The following CEP112 variants were observed in gnomAD, a reference collection of about 807,000 sequenced individuals.
CEP112 encodes the protein centrosomal protein of 112 kDa.
CEP112 carries 127 observed loss-of-function variants against 153.0 expected under a neutral mutation model. The ratio of observed to expected loss-of-function variants is 0.83; its 90% CI spans 0.72 to 0.96. CEP112 has a LOEUF of 0.96. Among genes scored for constraint, CEP112 ranks in the 40% least tolerant of loss-of-function variants. The pLI, the probability that CEP112 is intolerant of heterozygous loss-of-function variation, is 0.00. For missense variants in CEP112, 1,089 were observed against 1,101.2 expected (o/e 0.99, Z 0.16); for synonymous variants, 358 against 374.4 (o/e 0.96, Z 0.51).
intron 4 of CEP112, among the ~76,000 whole-genome samples, chr17:66,159,952 G>C (rs1471207663): frequency 6.6e-6 from 1 of 151,980 alleles, no homozygotes; most frequent in Non-Finnish European, 1.5e-5. Flanking sequence ...CCATTGTCTC[G>C]GCGCAAAAAC....
intron 23 of CEP112, among the ~76,000 whole-genome samples, chr17:65,733,027 C>T (rs1054956893): frequency 1.1e-4 from 16 of 152,216 alleles, no homozygotes; most frequent in African/African-American, 2.9e-4. Flanking sequence ...GGGCCTGTCT[C>T]GGCTTTCAAC....
At chr17:65,716,800 GA>G (rs146691977) in intron 23 of CEP112, among the ~76,000 whole-genome samples, 2 of 151,600 alleles carry the variant, frequency 1.3e-5, no homozygotes, top group African/African-American at 4.8e-5. Context: ...AGACTATGAG[GA>G]AAAAAAACAA....
At chr17:66,075,659 C>A (rs1006220369) in intron 8 of CEP112, among the ~76,000 whole-genome samples, 4 of 152,074 alleles carry the variant, frequency 2.6e-5, no homozygotes, top group Admixed American at 6.6e-5. Context: ...AAAAAATTAG[C>A]AATGGGATCT....
intron 4 of CEP112, among the ~76,000 whole-genome samples, chr17:66,151,463 G>A (rs995760908): frequency 6.6e-6 from 1 of 152,170 alleles, no homozygotes; most frequent in African/African-American, 2.4e-5. Context: ...CATGTGGTAT[G>A]TCCTTTCCCT....
chr17:65,751,502 C>A (rs987275180), intron 21 of CEP112, among the ~76,000 whole-genome samples: 1 of 152,166 alleles, frequency 6.6e-6, no homozygotes, highest in African/African-American at 2.4e-5. Flanking sequence ...CTCTTTCACT[C>A]TGAACTTGTG....
intron 21 of CEP112, among the ~76,000 whole-genome samples, chr17:65,829,781 C>T (rs758876129): frequency 8.6e-5 from 13 of 151,958 alleles, no homozygotes; most frequent in Admixed American, 3.3e-4. Flanking sequence ...AAAGGTACAT[C>T]GTTTACATAA....
intron 24 of CEP112, among the ~76,000 whole-genome samples, chr17:65,682,568 C>T (rs537915391): frequency 6.6e-6 from 1 of 152,290 alleles, no homozygotes; most frequent in Admixed American, 6.5e-5. Context: ...CTCAGCATTC[C>T]ATCCAGAATT....
chr17:66,188,676 A>G (rs2073045719), intron 1 of CEP112, among the ~76,000 whole-genome samples: 1 of 151,740 alleles, frequency 6.6e-6, no homozygotes, highest in South Asian at 2.1e-4. Context: ...CATGATTTAC[A>G]CATCTTAGTA....
chr17:65,739,263 C>T (rs1217751370), intron 23 of CEP112, among the ~76,000 whole-genome samples: 2 of 152,188 alleles, frequency 1.3e-5, no homozygotes, highest in Non-Finnish European at 2.9e-5. Context: ...AATTTCTGAT[C>T]CAAAGAATTA....
intron 14 of CEP112, among the ~76,000 whole-genome samples, chr17:66,028,668 A>G (rs12949911): frequency 0.016 from 2,446 of 152,078 alleles, 26 homozygotes; most frequent in Middle Eastern, 0.026. Flanking sequence ...AAGTAAAAAT[A>G]GAAATTAAAT....
chr17:66,057,407 T>C (rs926203779), intron 11 of CEP112, among the ~76,000 whole-genome samples: 3 of 152,202 alleles, frequency 2.0e-5, no homozygotes, highest in Non-Finnish European at 4.4e-5. Flanking sequence ...GGGATAGGCA[T>C]CTCCATGGGA....
chr17:65,638,519 T>C (rs1427289485), intron 25 of CEP112, among the ~76,000 whole-genome samples: 1 of 152,186 alleles, frequency 6.6e-6, no homozygotes, highest in Non-Finnish European at 1.5e-5. Context: ...TGGGTGCATC[T>C]CAAAGTGGTC....
Position 65,949,760 on chromosome 17 carries a change from A to T in CEP112, c.1872+11703T>A, listed in dbSNP as rs113849552. Among the ~76,000 whole-genome samples the T allele has an allele frequency of 1.4e-3, 215 of 152,284 alleles. 2 individuals carry two copies. Among genetic ancestry groups the T allele is most frequent in the African/African-American group, 4.9e-3 (204 of 41,568 alleles). On this transcript the variant is annotated intron_variant, in intron 18 of 26. Coordinates refer to ENST00000535342, the MANE Select transcript of CEP112 (RefSeq NM_001199165.4). ...AATTAAAAGGGTAGTTCTGGAACCAATTCCACAAATAGGATCTTTCATTCC... is the reference window on the plus strand; with the variant it reads ...AATTAAAAGGGTAGTTCTGGAACCATTTCCACAAATAGGATCTTTCATTCC...
At chr17:65,980,653 A>T (rs1268126811) in intron 17 of CEP112, among the ~76,000 whole-genome samples, 1 of 152,126 alleles carries the variant, frequency 6.6e-6, no homozygotes, top group Non-Finnish European at 1.5e-5. Context: ...CTCCAATGTC[A>T]CTTTGATCAT....
chr17:65,914,832 T>C (rs1474440706), intron 19 of CEP112, among the ~76,000 whole-genome samples: 2 of 152,180 alleles, frequency 1.3e-5, no homozygotes, highest in East Asian at 3.8e-4. Context: ...CCCTTTTCTT[T>C]CAAAATTCCT....
At chr17:65,996,540 C>CAA (rs2063799208) in intron 17 of CEP112, among the ~76,000 whole-genome samples, 1 of 152,178 alleles carries the variant, frequency 6.6e-6, no homozygotes. Flanking sequence ...CTTGTCCTGG[C>CAA]ACATCTGATC....
chr17:65,837,361 C>A (rs1173816841), intron 21 of CEP112, among the ~76,000 whole-genome samples: 1 of 151,692 alleles, frequency 6.6e-6, no homozygotes, highest in African/African-American at 2.4e-5. Context: ...AAGTGAGGAG[C>A]GTCTCTGCTG....
intron 21 of CEP112, among the ~76,000 whole-genome samples, chr17:65,783,411 TA>T (rs1371697841): frequency 1.3e-5 from 2 of 152,204 alleles, no homozygotes; most frequent in African/African-American, 4.8e-5. Flanking sequence ...ATAGAATTCT[TA>T]TGTGACCCAG....
chr17:65,957,901 CAA>C lies in CEP112; in HGVS notation c.1872+3560_1872+3561del, dbSNP rs1381661854. On this transcript the variant is annotated intron_variant, in intron 18 of 26. Coordinates refer to ENST00000535342, the MANE Select transcript of CEP112 (RefSeq NM_001199165.4). ...TCTTATGAGTCTCACATATTTATGACAAAGAGTTTTAGTATATTTTGCTTCTC... is the reference window on the plus strand; with the variant it reads ...TCTTATGAGTCTCACATATTTATGACAGAGTTTTAGTATATTTTGCTTCTC... 3.3e-5 allele frequency among the ~76,000 whole-genome samples: 5 copies of C among 152,238 alleles called. No individual in the cohort carries two copies. In the East Asian group the frequency reaches 9.6e-4, roughly 29 times the overall value.
Sources: gnomAD v4.1 joint callset for allele counts (sites outside exome capture counted in the v4.1 genomes callset) on GRCh38, gnomAD v4.1.1 for gene constraint, MANE v1.5 for transcripts, NCBI Gene and HGNC (gene_info 2026-07-23, HGNC 2026-07-21) for gene names.